FAM169A: variants seen among roughly 807,000 people sequenced by gnomAD.
The protein encoded by FAM169A is family with sequence similarity 169 member A.
Under a neutral mutation model 75.7 loss-of-function variants are expected in FAM169A, and 24 were observed. The observed-to-expected ratio is 0.32, with a 90% CI of 0.23 to 0.45. FAM169A has a LOEUF of 0.45. FAM169A is among the 20% of genes least tolerant of loss of function. FAM169A has a pLI of 1.00. For synonymous variants in FAM169A, 271 were observed against 271.0 expected, an observed-to-expected ratio of 1.00 and a Z score of 0.00; for missense variants, 673 against 784.0, an observed-to-expected ratio of 0.86 and a Z score of 1.69.
intron 1 of FAM169A, among the ~76,000 whole-genome samples, chr5:74,842,822 G>A (rs1748952769): frequency 7.0e-6 from 1 of 143,052 alleles, no homozygotes; most frequent in Admixed American, 7.2e-5. Flanking sequence ...ACATTATGTA[G>A]GCAATGATCA....
chr5:74,789,072 A>G (rs184867570), intron 11 of FAM169A, among the ~76,000 whole-genome samples: 1 of 152,340 alleles, frequency 6.6e-6, no homozygotes, highest in African/African-American at 2.4e-5. Flanking sequence ...AAGGCCAGCA[A>G]CACACCTTTA....
intron 6 of FAM169A, among the ~76,000 whole-genome samples, chr5:74,806,763 C>T (rs1040462880): frequency 2.0e-5 from 3 of 152,032 alleles, no homozygotes; most frequent in African/African-American, 7.2e-5. Context: ...TAGAGTAAAA[C>T]AAACAATTAG....
At chr5:74,852,232 G>A (rs1211476336) in intron 1 of FAM169A, among the ~76,000 whole-genome samples, 2 of 152,124 alleles carry the variant, frequency 1.3e-5, no homozygotes, top group Non-Finnish European at 2.9e-5. Flanking sequence ...GAGTATCTCA[G>A]CAATTTGGAA....
chr5:74,799,251 G>A, intron 10 of FAM169A: 1 of 1,495,736 alleles, frequency 6.7e-7, no homozygotes, highest in Non-Finnish European at 9.3e-7. Flanking sequence ...ATGGTGTCTG[G>A]AAGCCAACAC....
At chr5:74,841,773 T>TTTGTTATAACAGAAAAATC in intron 1 of FAM169A, 94 bp from the exon 2 acceptor site, 1 of 1,125,618 alleles carries the variant, frequency 8.9e-7, no homozygotes, top group Non-Finnish European at 1.2e-6. Context: ...GTTGCCATAT[T>TTTGTTATAACAGAAAAATC]TTGTTATAAC....
chr5:74,799,417 C>A, intron 10 of FAM169A: 2 of 1,613,148 alleles, frequency 1.2e-6, no homozygotes, highest in Non-Finnish European at 1.7e-6. Context: ...AAAGCTGATT[C>A]GCTCCACAGT....
At chr5:74,807,739 A>G (rs1746962430) in intron 6 of FAM169A, among the ~76,000 whole-genome samples, 1 of 152,232 alleles carries the variant, frequency 6.6e-6, no homozygotes, top group South Asian at 2.1e-4. Flanking sequence ...TACCTAAATC[A>G]ACATTGATAA....
intron 1 of FAM169A, among the ~76,000 whole-genome samples, chr5:74,861,503 C>A (rs924633481): frequency 6.6e-6 from 1 of 152,052 alleles, no homozygotes; most frequent in Non-Finnish European, 1.5e-5. Context: ...ACAGGCAGAT[C>A]GCTTGAAGTC....
chr5:74,784,862 T>A (rs978784774), intron 11 of FAM169A, among the ~76,000 whole-genome samples: 1 of 136,166 alleles, frequency 7.3e-6, no homozygotes, highest in African/African-American at 2.8e-5. Flanking sequence ...GAGTTTGCAG[T>A]GAGCCAAGAT....
intron 1 of FAM169A, among the ~76,000 whole-genome samples, chr5:74,863,136 TTAAGG>T (rs1394985883): frequency 2.0e-5 from 3 of 152,016 alleles, no homozygotes; most frequent in Non-Finnish European, 4.4e-5. Context: ...CATGTAAACG[TTAAGG>T]TATCATATAC....
At position 74,854,816 on chromosome 5, in the gene FAM169A, C is replaced by T. The variant is rs563419684; in HGVS notation, c.-4+11349G>A. Among the ~76,000 whole-genome samples, 3 of 152,266 alleles carry T rather than the reference C, an allele frequency of 2.0e-5. No homozygotes were observed. In the South Asian group the frequency reaches 6.2e-4, roughly 32 times the overall value. On this transcript the variant is annotated intron_variant, in intron 1 of 12. Coordinates refer to ENST00000687041, the MANE Select transcript of FAM169A (RefSeq NM_001376049.1). ...TCCTTTTTATGTCTGAATACTACTC[C>T]ATTGTGCATATGTACCATATTTTCT...
At chr5:74,801,518 T>C in intron 9 of FAM169A, 72 bp downstream of exon 9, 2 of 1,122,800 alleles carry the variant, frequency 1.8e-6, no homozygotes, top group East Asian at 4.7e-5. Flanking sequence ...CACACATGCA[T>C]GCACACACAC....
At chr5:74,793,036 G>A (rs2112494039) in intron 11 of FAM169A, among the ~76,000 whole-genome samples, 1 of 152,298 alleles carries the variant, frequency 6.6e-6, no homozygotes, top group African/African-American at 2.4e-5. Context: ...AGAAAATGTG[G>A]TATATATAGG....
At chr5:74,785,570 T>C (rs1745655517) in intron 11 of FAM169A, among the ~76,000 whole-genome samples, 1 of 152,120 alleles carries the variant, frequency 6.6e-6, no homozygotes, top group South Asian at 2.1e-4. Context: ...AAGACCGGAC[T>C]GGCCAACATT....
chr5:74,809,447 T>A (rs973632334), intron 6 of FAM169A, among the ~76,000 whole-genome samples: 2 of 151,956 alleles, frequency 1.3e-5, no homozygotes, highest in African/African-American at 4.8e-5. Flanking sequence ...ATACAAAAAA[T>A]TAGCCAGGTG....
chr5:74,800,021 T>C (rs946970704), intron 10 of FAM169A: 10 of 770,524 alleles, frequency 1.3e-5, no homozygotes, highest in Non-Finnish European at 1.4e-5. Flanking sequence ...GTCGCAAATA[T>C]TGCACTACTG....
chr5:74,805,524 CTTTTTTTTTTTTTT>C (rs1194674402), intron 6 of FAM169A, among the ~76,000 whole-genome samples: 1 of 81,934 alleles, frequency 1.2e-5, no homozygotes, highest in South Asian at 4.6e-4. Context: ...ATGTGCTTCG[CTTTTTTTTTTTTTT>C]TTTTTTTTTG....
At position 74,779,371 on chromosome 5, in the gene FAM169A, C is replaced by T. The variant is rs1745293614; in HGVS notation, c.*2089G>A. The T allele has an allele frequency of 6.6e-6, 1 of 152,114 alleles. No individual in the cohort carries two copies. Among genetic ancestry groups the T allele is most frequent in the Non-Finnish European group, 1.5e-5 (1 of 67,994 alleles). 9.4% of individuals were successfully genotyped at this position (152,114 alleles called of 1,614,324 possible). ...AATACAGGGAAAATTAGCATGGCCC[C>T]TGTGCAAGGATGACACAAATTCATG... On this transcript the variant is annotated 3_prime_UTR_variant, in exon 13 of 13. Coordinates refer to ENST00000687041, the MANE Select transcript of FAM169A (RefSeq NM_001376049.1).
At chr5:74,816,001 T>C (rs1412666646) in intron 5 of FAM169A, among the ~76,000 whole-genome samples, 1 of 152,248 alleles carries the variant, frequency 6.6e-6, no homozygotes, top group South Asian at 2.1e-4. Flanking sequence ...TTTATTCCTT[T>C]ACTTTCCTAA....
Sources: gnomAD v4.1 joint callset for allele counts (sites outside exome capture counted in the v4.1 genomes callset) on GRCh38, gnomAD v4.1.1 for gene constraint, MANE v1.5 for transcripts, NCBI Gene and HGNC (gene_info 2026-07-23, HGNC 2026-07-21) for gene names.